The following GNG11 variants were observed in gnomAD, a reference collection of about 807,000 sequenced individuals.
The protein encoded by GNG11 is G protein subunit gamma 11, also known as guanine nucleotide-binding protein G(I)/G(S)/G(O) subunit gamma-11.
Under a neutral mutation model 7.4 loss-of-function variants are expected in GNG11, and 6 were observed. The observed-to-expected ratio is 0.81, with a 90% CI of 0.44 to 1.60. The LOEUF is 1.60. Among genes scored for constraint, GNG11 ranks in the 40% most tolerant of loss-of-function variants. The pLI, the probability that GNG11 is intolerant of heterozygous loss-of-function variation, is 0.01. For missense variants in GNG11, 65 were observed against 83.0 expected, an observed-to-expected ratio of 0.78 and a Z score of 0.84; for synonymous variants, 31 against 25.9, an observed-to-expected ratio of 1.20 and a Z score of -0.60.
rs1794618533 is a variant in GNG11, at chr7:93,922,055, G to A, written c.-83G>A. On this transcript the variant is annotated 5_prime_UTR_variant, in exon 1 of 2. Coordinates refer to ENST00000248564, the MANE Select transcript of GNG11 (RefSeq NM_004126.4). ...GGGTGGGCGGCGGGCCAGGCCTTCA[G>A]TTGTTTCGGGACGCGCCGAGCTTCG... 1.4e-5 allele frequency: 12 copies of A among 834,836 alleles called. No homozygotes were observed. The South Asian group carries it at 2.3e-4, about 16-fold the overall frequency. The allele number at this position is 834,836 out of a possible 1,614,324, so 51.7% of individuals were successfully genotyped here. A position where few individuals can be genotyped will look rare whatever the true frequency, so the allele number is the denominator to read the frequency against.
rs1469936827 is a variant in GNG11 at position 93,928,181 on chromosome 7, T to C, written c.*1965T>C. The C allele has an allele frequency of 6.6e-6, 1 of 151,388 alleles. No homozygotes were observed. Among genetic ancestry groups the C allele is most frequent in the Admixed American group, 6.6e-5 (1 of 15,248 alleles). The allele number at this position is 151,388 out of a possible 1,614,324, so 9.4% of individuals were successfully genotyped here. A position where few individuals can be genotyped will look rare whatever the true frequency, so the allele number is the denominator to read the frequency against. On this transcript the variant is annotated 3_prime_UTR_variant, in exon 2 of 2. Coordinates refer to ENST00000248564, the MANE Select transcript of GNG11 (RefSeq NM_004126.4). ...GAGTTGCGATTACAAGTCTATATCCTGATTTCTATTAGCACATTCAGCTAT... is the reference window on the plus strand; with the variant it reads ...GAGTTGCGATTACAAGTCTATATCCCGATTTCTATTAGCACATTCAGCTAT...
intron 1 of GNG11, among the ~76,000 whole-genome samples, chr7:93,925,850 T>C (rs1794671075): frequency 6.6e-6 from 1 of 152,024 alleles, no homozygotes; most frequent in Non-Finnish European, 1.5e-5. Context: ...CAGTAAGAAA[T>C]ATATTTTACA....
At chr7:93,922,938 A>T (rs1333659859) in intron 1 of GNG11, among the ~76,000 whole-genome samples, 1 of 152,204 alleles carries the variant, frequency 6.6e-6, no homozygotes, top group Admixed American at 6.5e-5. Flanking sequence ...CATATGACCC[A>T]GTATTCAATA....
At position 93,922,065 on chromosome 7, in the gene GNG11, G is replaced by A; in HGVS notation, c.-73G>A. On this transcript the variant is annotated 5_prime_UTR_variant, in exon 1 of 2. Coordinates refer to ENST00000248564, the MANE Select transcript of GNG11 (RefSeq NM_004126.4). ...CGGGCCAGGCCTTCAGTTGTTTCGG[G>A]ACGCGCCGAGCTTCGCCGCTCTTCC... The A allele has an allele frequency of 2.1e-6, 2 of 935,166 alleles. No homozygotes were observed. Among genetic ancestry groups the A allele is most frequent in the African/African-American group, 1.7e-5 (1 of 59,746 alleles). The allele number at this position is 935,166 out of a possible 1,614,324, so 57.9% of individuals were successfully genotyped here. A position where few individuals can be genotyped will look rare whatever the true frequency, so the allele number is the denominator to read the frequency against.
At chr7:93,923,789 C>G (rs1037107551) in intron 1 of GNG11, among the ~76,000 whole-genome samples, 1 of 152,154 alleles carries the variant, frequency 6.6e-6, no homozygotes, top group African/African-American at 2.4e-5. Context: ...TGCTAGCCAG[C>G]CTGACCCTTT....
At chr7:93,924,897 T>G (rs148668401) in intron 1 of GNG11, among the ~76,000 whole-genome samples, 6,713 of 152,220 alleles carry the variant, frequency 0.044, 225 homozygotes, top group Admixed American at 0.054. Flanking sequence ...TGGCGCGGTG[T>G]CCCACGCCTG....
chr7:93,924,902 C>T (rs960296844), intron 1 of GNG11, among the ~76,000 whole-genome samples: 3 of 152,188 alleles, frequency 2.0e-5, no homozygotes, highest in Admixed American at 6.5e-5. Flanking sequence ...CGGTGTCCCA[C>T]GCCTGTAATC....
Position 93,927,088 on chromosome 7 carries a change from C to G in GNG11, c.*872C>G, listed in dbSNP as rs1403019391. 1 of 152,270 alleles carries G rather than the reference C, an allele frequency of 6.6e-6. No homozygotes were observed. Among genetic ancestry groups the G allele is most frequent in the Non-Finnish European group, 1.5e-5 (1 of 68,088 alleles). 9.4% of individuals were successfully genotyped at this position (152,270 alleles called of 1,614,324 possible). A position where few individuals can be genotyped will look rare whatever the true frequency, so the allele number is the denominator to read the frequency against. On this transcript the variant is annotated 3_prime_UTR_variant, in exon 2 of 2. Coordinates refer to ENST00000248564, the MANE Select transcript of GNG11 (RefSeq NM_004126.4). The stretch of plus-strand genomic sequence containing the variant: ...TGCTTGCCAGCATTTTCCAGCAGGC[C>G]TGGGCCAAACATGCCTTTTTTTCTT...
rs1794697129 is a variant in GNG11 at position 93,927,784 on chromosome 7, C to T, written c.*1568C>T. The T allele has an allele frequency of 6.6e-6, 1 of 152,072 alleles. No homozygotes were observed. The highest frequency in any genetic ancestry group is 1.5e-5 in the Non-Finnish European group (1 of 68,032). The allele number at this position is 152,072 out of a possible 1,614,324, so 9.4% of individuals were successfully genotyped here. Reference sequence around the variant, plus strand: ...TTTCCTTCAGTTTCCTGACACTGTCCAAGTGATGACATCAATTGGCATTAC... The same window carrying T: ...TTTCCTTCAGTTTCCTGACACTGTCTAAGTGATGACATCAATTGGCATTAC... On this transcript the variant is annotated 3_prime_UTR_variant, in exon 2 of 2. Coordinates refer to ENST00000248564, the MANE Select transcript of GNG11 (RefSeq NM_004126.4).
intron 1 of GNG11, among the ~76,000 whole-genome samples, chr7:93,925,311 C>T (rs1405393793): frequency 6.6e-6 from 1 of 151,974 alleles, no homozygotes. Context: ...TTCTTGCAAC[C>T]TGTCTTTTAA....
intron 1 of GNG11, among the ~76,000 whole-genome samples, chr7:93,925,322 GGATA>G (rs1450755369): frequency 1.3e-5 from 2 of 151,694 alleles, no homozygotes; most frequent in African/African-American, 4.9e-5. Flanking sequence ...TGTCTTTTAA[GGATA>G]GATAGACTTT....
intron 1 of GNG11, among the ~76,000 whole-genome samples, chr7:93,922,743 A>G (rs1794632888): frequency 6.6e-6 from 1 of 152,202 alleles, no homozygotes; most frequent in African/African-American, 2.4e-5. Context: ...TTCTATATTT[A>G]TTTGTAAATC....
chr7:93,923,152 T>C (rs1360513190), intron 1 of GNG11, among the ~76,000 whole-genome samples: 3 of 152,202 alleles, frequency 2.0e-5, no homozygotes, highest in Admixed American at 6.5e-5. Context: ...TGATCTTATT[T>C]ATTATGGTTT....
chr7:93,924,965 C>T (rs549476699), intron 1 of GNG11, among the ~76,000 whole-genome samples: 7 of 152,274 alleles, frequency 4.6e-5, no homozygotes, highest in Non-Finnish European at 7.4e-5. Flanking sequence ...GAGATCAAGA[C>T]CATGCTGGCT....
At chr7:93,924,062 A>G (rs1197444286) in intron 1 of GNG11, among the ~76,000 whole-genome samples, 3 of 152,206 alleles carry the variant, frequency 2.0e-5, no homozygotes, top group Non-Finnish European at 2.9e-5. Flanking sequence ...AACTAGCTCC[A>G]CATTTAAGAC....
chr7:93,927,200 T>C lies in GNG11; in HGVS notation c.*984T>C, dbSNP rs1794690162. 6.6e-6 allele frequency: 1 copy of C among 152,214 alleles called. No individual in the cohort carries two copies. Among genetic ancestry groups the C allele is most frequent in the African/African-American group, 2.4e-5 (1 of 41,460 alleles). 9.4% of individuals were successfully genotyped at this position (152,214 alleles called of 1,614,324 possible). A position where few individuals can be genotyped will look rare whatever the true frequency, so the allele number is the denominator to read the frequency against. The stretch of plus-strand genomic sequence containing the variant: ...TGATTTGTAGGAATTCTTCATATAT[T>C]CTGGCCATTTATTCGTGTTTGGTGA... On this transcript the variant is annotated 3_prime_UTR_variant, in exon 2 of 2. Coordinates refer to ENST00000248564, the MANE Select transcript of GNG11 (RefSeq NM_004126.4).
At chr7:93,922,573 T>C (rs1220502120) in intron 1 of GNG11, among the ~76,000 whole-genome samples, 4 of 152,232 alleles carry the variant, frequency 2.6e-5, no homozygotes, top group East Asian at 1.9e-4. Flanking sequence ...CTTGGTTCTT[T>C]GATCTTTTAC....
intron 1 of GNG11, among the ~76,000 whole-genome samples, chr7:93,925,752 C>A (rs975510793): frequency 6.6e-6 from 1 of 152,074 alleles, no homozygotes; most frequent in African/African-American, 2.4e-5. Flanking sequence ...GGAAGGAAAT[C>A]ATATGAGACA....
chr7:93,925,033 G>A (rs1057134217), intron 1 of GNG11, among the ~76,000 whole-genome samples: 4 of 152,116 alleles, frequency 2.6e-5, no homozygotes, highest in African/African-American at 7.2e-5. Context: ...GCGTGGTGGT[G>A]GGCGCCTGTA....
Sources: gnomAD v4.1 joint callset for allele counts (sites outside exome capture counted in the v4.1 genomes callset) on GRCh38, gnomAD v4.1.1 for gene constraint, MANE v1.5 for transcripts, NCBI Gene and HGNC (gene_info 2026-07-23, HGNC 2026-07-21) for gene names.